FBRSL1: variants seen among roughly 807,000 people sequenced by gnomAD.
FBRSL1 encodes fibrosin-1-like protein.
Under a neutral mutation model 89.6 loss-of-function variants are expected in FBRSL1, and 51 were observed. That is an observed-to-expected ratio of 0.57 (90% CI 0.45 to 0.72). FBRSL1 has a LOEUF of 0.72. FBRSL1 is among the 30% of genes least tolerant of loss of function. The pLI is 0.00. For synonymous variants in FBRSL1, 779 were observed against 681.1 expected (o/e 1.14, Z -2.24); for missense variants, 1,618 against 1,451.8 (o/e 1.11, Z -1.86).
chr12:132,564,253 CT>C (rs2039401528), intron 5 of FBRSL1, among the ~76,000 whole-genome samples: 1 of 152,220 alleles, frequency 6.6e-6, no homozygotes, highest in Admixed American at 6.5e-5. Flanking sequence ...AGCCGCCTCC[CT>C]TCTGCCCTGA....
At chr12:132,578,343 T>TCACACACACACACACACACACATACACA (rs2040512202) in intron 15 of FBRSL1, among the ~76,000 whole-genome samples, 3 of 141,008 alleles carry the variant, frequency 2.1e-5, no homozygotes, top group Non-Finnish European at 4.6e-5. Context: ...AGACCCTGTC[T>TCACACACACACACACACACACATACACA]CACACACACA....
chr12:132,541,043 C>T (rs1344804350), intron 4 of FBRSL1, among the ~76,000 whole-genome samples: 3 of 151,784 alleles, frequency 2.0e-5, no homozygotes, highest in African/African-American at 7.3e-5. Flanking sequence ...CAGAGCCCCA[C>T]ACCACACCCC....
intron 5 of FBRSL1, among the ~76,000 whole-genome samples, chr12:132,564,268 G>A (rs894325876): frequency 1.8e-4 from 27 of 152,186 alleles, no homozygotes; most frequent in African/African-American, 6.5e-4. Context: ...GCCCTGAACA[G>A]CAGCCCAGCT....
At chr12:132,580,411 A>G (rs1231342378) in intron 15 of FBRSL1, among the ~76,000 whole-genome samples, 1 of 142,836 alleles carries the variant, frequency 7.0e-6, no homozygotes, top group African/African-American at 2.7e-5. Context: ...TTTTTAAAGG[A>G]GCAGCTCTGA....
rs1052468899 is a variant in FBRSL1, at chr12:132,557,168, G to A, written c.645+9136G>A. On this transcript the variant is annotated intron_variant, in intron 5 of 18. Transcript: ENST00000680143. ...CCATGATGGCACCCCCTGGCCACCC[G>A]CTGCGTAACGATGGCAGACGCAGTT... Among the ~76,000 whole-genome samples the A allele has an allele frequency of 1.6e-4, 25 of 152,302 alleles. 2 individuals are homozygous for A. Among genetic ancestry groups the A allele is most frequent in the African/African-American group, 4.1e-4 (17 of 41,572 alleles).
chr12:132,520,203 C>CACCCTCCAGCAACCCTCCTTGT, intron 2 of FBRSL1, among the ~76,000 whole-genome samples: 1 of 151,162 alleles, frequency 6.6e-6, no homozygotes, highest in East Asian at 2.0e-4. Context: ...ACCCTCCTTG[C>CACCCTCCAGCAACCCTCCTTGT]ACCCCTCCAG....
At chr12:132,514,451 C>T (rs1566124425) in intron 2 of FBRSL1, among the ~76,000 whole-genome samples, 1 of 152,232 alleles carries the variant, frequency 6.6e-6, no homozygotes, top group Non-Finnish European at 1.5e-5. Flanking sequence ...CAGGCCGAGG[C>T]CACCGGCCAT....
chr12:132,519,693 G>A (rs543969958), intron 2 of FBRSL1, among the ~76,000 whole-genome samples: 41 of 152,200 alleles, frequency 2.7e-4, no homozygotes, highest in Non-Finnish European at 5.4e-4. Context: ...AATGGATCAC[G>A]AAGTCAGGAG....
At chr12:132,569,598 T>A (rs575458900) in intron 6 of FBRSL1, among the ~76,000 whole-genome samples, 1 of 152,174 alleles carries the variant, frequency 6.6e-6, no homozygotes, top group South Asian at 2.1e-4. Flanking sequence ...TTAAATGAGG[T>A]CATAGCAGCC....
intron 5 of FBRSL1, among the ~76,000 whole-genome samples, chr12:132,549,054 C>G (rs2037930893): frequency 6.6e-6 from 1 of 152,082 alleles, no homozygotes; most frequent in Non-Finnish European, 1.5e-5. Flanking sequence ...CGGTGGGGGT[C>G]CAGATATTGG....
chr12:132,577,417 G>T (rs1019732059), intron 15 of FBRSL1, among the ~76,000 whole-genome samples: 12 of 152,194 alleles, frequency 7.9e-5, no homozygotes, highest in Non-Finnish European at 1.6e-4. Context: ...ACAGTAGGAA[G>T]CTGCTCCTGA....
chr12:132,495,965 G>A (rs2031954616), intron 1 of FBRSL1, among the ~76,000 whole-genome samples: 2 of 152,242 alleles, frequency 1.3e-5, no homozygotes, highest in Non-Finnish European at 2.9e-5. Context: ...CGGGGTCGGG[G>A]CTGTTACAGC....
At chr12:132,524,051 A>G (rs968624069) in intron 2 of FBRSL1, among the ~76,000 whole-genome samples, 13 of 152,198 alleles carry the variant, frequency 8.5e-5, no homozygotes, top group Non-Finnish European at 1.9e-4. Flanking sequence ...GCTCTGCTGC[A>G]CAGGCCGTGC....
chr12:132,562,028 G>C (rs2039170778), intron 5 of FBRSL1, among the ~76,000 whole-genome samples: 1 of 152,134 alleles, frequency 6.6e-6, no homozygotes, highest in South Asian at 2.1e-4. Flanking sequence ...CCCAAAGGCT[G>C]GTCTGGACTC....
intron 5 of FBRSL1, among the ~76,000 whole-genome samples, chr12:132,564,835 T>C (rs1223430580): frequency 6.6e-6 from 1 of 150,996 alleles, no homozygotes; most frequent in Middle Eastern, 3.2e-3. Context: ...TTCACCGTGT[T>C]GGCCAGGATG....
At chr12:132,552,682 C>T (rs2038285802) in intron 5 of FBRSL1, 1 of 159,078 alleles carries the variant, frequency 6.3e-6, no homozygotes, top group Non-Finnish European at 1.4e-5. Flanking sequence ...GGCACTCACC[C>T]CGTGCGACAG....
intron 5 of FBRSL1, among the ~76,000 whole-genome samples, chr12:132,561,713 C>T (rs2039142951): frequency 2.0e-5 from 3 of 152,298 alleles, no homozygotes; most frequent in Admixed American, 2.0e-4. Flanking sequence ...CCCGGGACGC[C>T]AGCCAAGAAG....
chr12:132,550,685 G>T (rs965165764), intron 5 of FBRSL1: 1 of 152,650 alleles, frequency 6.6e-6, no homozygotes, highest in African/African-American at 2.4e-5. Context: ...GGGCTGCAGC[G>T]GAGCGAGAGA....
chr12:132,538,994 G>C (rs1386907445), intron 4 of FBRSL1, among the ~76,000 whole-genome samples: 1 of 152,048 alleles, frequency 6.6e-6, no homozygotes, highest in Admixed American at 6.6e-5. Context: ...CTGGATTCAG[G>C]ATTCAGAACC....
Sources: allele counts gnomAD v4.1 joint callset (sites outside exome capture counted in the v4.1 genomes callset), GRCh38; gene constraint gnomAD v4.1.1; transcripts MANE v1.5; gene names NCBI Gene and HGNC (gene_info 2026-07-23, HGNC 2026-07-21).